TMPRSS6: variants seen among roughly 807,000 people sequenced by gnomAD.
The protein encoded by TMPRSS6 is transmembrane protease serine 6.
A neutral mutation model predicts 101.5 loss-of-function variants in TMPRSS6; 67 were observed. The ratio of observed to expected loss-of-function variants is 0.66; its 90% CI spans 0.54 to 0.81. The LOEUF (loss-of-function observed/expected upper bound fraction) is 0.81. Among genes scored for constraint, TMPRSS6 ranks in the 30% least tolerant of loss-of-function variants. The pLI, the probability that TMPRSS6 is intolerant of heterozygous loss-of-function variation, is 0.00. For missense variants in TMPRSS6, 1,034 were observed against 1,088.7 expected, an observed-to-expected ratio of 0.95 and a Z score of 0.71; for synonymous variants, 453 against 464.9, an observed-to-expected ratio of 0.97 and a Z score of 0.33.
At chr22:37,094,612 C>G (rs914148376) in intron 6 of TMPRSS6, among the ~76,000 whole-genome samples, 2 of 151,736 alleles carry the variant, frequency 1.3e-5, no homozygotes, top group Non-Finnish European at 2.9e-5. Flanking sequence ...TCTACTCGTT[C>G]CCCCATTAAT....
intron 1 of TMPRSS6, among the ~76,000 whole-genome samples, chr22:37,104,704 T>C (rs187853211): frequency 2.4e-4 from 37 of 152,276 alleles, no homozygotes; most frequent in African/African-American, 8.4e-4. Context: ...CTCACGCCTG[T>C]AATCCCAACA....
chr22:37,103,071 C>A lies in TMPRSS6; in HGVS notation c.202+145G>T. On this transcript the variant is annotated intron_variant, in intron 2 of 17. Transcript: ENST00000676104. The surrounding 1 kb of genome is among the most constrained non-coding windows in gnomAD (Gnocchi z 4.4). ...AGCTGGAAGGACAGGGAGGGAGACC[C>A]AGAGAACAGAAGTGACTTGCCCAAG... 1.2e-6 allele frequency: 1 copy of A among 835,616 alleles called. No individual in the cohort carries two copies. 51.8% of individuals were successfully genotyped at this position (835,616 alleles called of 1,614,324 possible).
intron 3 of TMPRSS6, among the ~76,000 whole-genome samples, chr22:37,098,099 A>G (rs111642485): frequency 0.013 from 999 of 76,764 alleles, no homozygotes; most frequent in African/African-American, 0.022. Context: ...GAGGGGGAGG[A>G]GCGGGCCACC....
At position 37,101,937 on chromosome 22, in the gene TMPRSS6, C is replaced by T. The variant is rs2146183039; in HGVS notation, c.202+1279G>A. Among the ~76,000 whole-genome samples, 1 of 152,314 alleles carries T rather than the reference C, an allele frequency of 6.6e-6. No homozygotes were observed. The highest frequency in any genetic ancestry group is 2.1e-4 in the South Asian group (1 of 4,832). On this transcript the variant is annotated intron_variant, in intron 2 of 17. Coordinates refer to ENST00000676104, the MANE Select transcript of TMPRSS6 (RefSeq NM_001374504.1). The surrounding 1 kb of genome is among the most constrained non-coding windows in gnomAD (Gnocchi z 4.1). ...GTGAAATGCACATGGCGTCTACTGC[C>T]TGCGTTGCTCAACTCTGGGTAGAAT... is the stretch of plus-strand genomic sequence containing the variant.
chr22:37,107,376 C>T (rs1323524293), intron 1 of TMPRSS6, among the ~76,000 whole-genome samples: 1 of 152,066 alleles, frequency 6.6e-6, no homozygotes, highest in African/African-American at 2.4e-5. Flanking sequence ...GACGGTGCCA[C>T]TCTTGTCTTT....
At chr22:37,085,488 AG>A (rs1354235377) in intron 8 of TMPRSS6, among the ~76,000 whole-genome samples, 3 of 152,086 alleles carry the variant, frequency 2.0e-5, no homozygotes, top group Non-Finnish European at 4.4e-5. Context: ...CCTGAGTGGG[AG>A]GGAGAAGAGT....
intron 10 of TMPRSS6, among the ~76,000 whole-genome samples, chr22:37,077,972 G>A (rs975318777): frequency 2.0e-5 from 3 of 152,196 alleles, no homozygotes; most frequent in Admixed American, 1.3e-4. Context: ...ACGAGGCACC[G>A]CCAGGGGGCG....
chr22:37,103,241 C>T lies in TMPRSS6; in HGVS notation c.177G>A (p.Ala59=), dbSNP rs764239635. The change falls in exon 2 of 18, where the codon GCG becomes GCA. Residue 59 remains alanine, a synonymous_variant. Coordinates refer to ENST00000676104, the MANE Select transcript of TMPRSS6 (RefSeq NM_001374504.1). This position sits in a 1 kb window ranked among gnomAD's most constrained non-coding sequence, Gnocchi z 4.4. Reference sequence around the variant, plus strand: ...CTAGGAAATACCAGAGTAGCACCCCCGCCGAAGCCAGCACGAGCAGGGCCA... The same window carrying T: ...CTAGGAAATACCAGAGTAGCACCCCTGCCGAAGCCAGCACGAGCAGGGCCA... The part of the protein sequence containing the change: ...VLLALLVLAS[A]GVLLWYFLGY... 70 of 1,613,962 alleles carry T rather than the reference C, an allele frequency of 4.3e-5. No individual in the cohort carries two copies. Among genetic ancestry groups the T allele is most frequent in the East Asian group, 6.7e-5 (3 of 44,900 alleles).
intron 1 of TMPRSS6, among the ~76,000 whole-genome samples, chr22:37,106,387 C>G (rs756876376): frequency 1.3e-5 from 2 of 152,110 alleles, no homozygotes; most frequent in East Asian, 1.9e-4. Flanking sequence ...TGGGCCTCCC[C>G]TCCCCTCTCA....
At chr22:37,108,068 T>C (rs1183072116) in intron 1 of TMPRSS6, among the ~76,000 whole-genome samples, 1 of 152,156 alleles carries the variant, frequency 6.6e-6, no homozygotes, top group Non-Finnish European at 1.5e-5. Flanking sequence ...TGCCTCCTTT[T>C]TTCCCACCCT....
chr22:37,072,419 G>A lies in TMPRSS6; in HGVS notation c.1555+1113C>T, dbSNP rs567330415. 3.4e-4 allele frequency among the ~76,000 whole-genome samples: 45 copies of A among 132,408 alleles called. No homozygotes were observed. In the East Asian group the frequency reaches 9.9e-3, roughly 29 times the overall value. 86.9% of individuals were successfully genotyped at this position (132,408 alleles called of 152,430 possible). A position where few individuals can be genotyped will look rare whatever the true frequency, so the allele number is the denominator to read the frequency against. On this transcript the variant is annotated intron_variant, in intron 13 of 17. Transcript: ENST00000676104. Reference sequence around the variant, plus strand: ...GATGGATGATGGATGGATGGATGATGGATTGATGGATTGATGGATGATGGA... The same window carrying A: ...GATGGATGATGGATGGATGGATGATAGATTGATGGATTGATGGATGATGGA...
At chr22:37,071,446 C>T (rs975567491) in intron 13 of TMPRSS6, among the ~76,000 whole-genome samples, 17 of 152,250 alleles carry the variant, frequency 1.1e-4, no homozygotes, top group Non-Finnish European at 1.8e-4. Flanking sequence ...CACTCCACCA[C>T]TTGGTCTTTG....
intron 16 of TMPRSS6, 110 bp from the exon 17 acceptor site, chr22:37,067,072 C>G (rs1926370110): frequency 1.3e-6 from 2 of 1,509,564 alleles, no homozygotes; most frequent in African/African-American, 1.4e-5. Context: ...CTCTCCTGCT[C>G]TGCCCACCCT....
At chr22:37,078,775 GGAGGAGGAGAAGAAGA>G (rs1298847760) in intron 10 of TMPRSS6, among the ~76,000 whole-genome samples, 5 of 148,808 alleles carry the variant, frequency 3.4e-5, no homozygotes, top group African/African-American at 1.3e-4. Flanking sequence ...ATGAGGAGAA[GGAGGAGGAGAAGAAGA>G]AGGAGGAGGA....
upstream of TMPRSS6, among the ~76,000 whole-genome samples, chr22:37,110,134 GTTC>G (rs925045953): frequency 7.2e-6 from 1 of 139,052 alleles, no homozygotes; most frequent in Non-Finnish European, 1.5e-5. Context: ...TTCCTACCTC[GTTC>G]TTTTTTTTTT....
chr22:37,081,141 A>G (rs1928235988), intron 10 of TMPRSS6, among the ~76,000 whole-genome samples: 1 of 152,244 alleles, frequency 6.6e-6, no homozygotes, highest in Admixed American at 6.5e-5. Context: ...GTTGAGGCTG[A>G]AAGAGCCAGC....
chr22:37,082,885 T>A, intron 10 of TMPRSS6: 1 of 448,414 alleles, frequency 2.2e-6, no homozygotes. Context: ...TAGTCCCAGA[T>A]AAATTGCAAA....
At chr22:37,074,581 G>C in intron 12 of TMPRSS6, 29 bp downstream of exon 12, 1 of 1,601,990 alleles carries the variant, frequency 6.2e-7, no homozygotes, top group South Asian at 1.1e-5. Flanking sequence ...TGGGCAGGGA[G>C]AGGAGGGATG....
rs1239607657 is a variant in TMPRSS6 at position 37,069,163 on chromosome 22, C to T, written c.2023G>A (p.Val675Met). 7.0e-6 allele frequency: 11 copies of T among 1,582,036 alleles called. No homozygotes were observed. The highest frequency in any genetic ancestry group is 2.3e-5 in the East Asian group (1 of 42,792). ...LDHPVVRSAA[V>M]RPVCLPARSH... ...CGCGCGGGCAGGCAGACGGGGCGCA[C>T]GGCGGCCGAGCGCACCACCGGGTGG... The change falls in exon 16 of 18, where the codon GTG becomes ATG. Residue 675 changes from valine (V) to methionine (M), a missense_variant. Val to Met is a conservative substitution (Grantham distance 21, BLOSUM62 1). Coordinates refer to ENST00000676104, the MANE Select transcript of TMPRSS6 (RefSeq NM_001374504.1). The surrounding 1 kb of genome is among the most constrained non-coding windows in gnomAD (Gnocchi z 4.8).
Sources: gnomAD v4.1 joint callset for allele counts (sites outside exome capture counted in the v4.1 genomes callset) on GRCh38, gnomAD v4.1.1 for gene constraint, Gnocchi (gnomAD v3.1) non-coding constraint, MANE v1.5 for transcripts, NCBI Gene and HGNC (gene_info 2026-07-23, HGNC 2026-07-21) for gene names.